Variants in DOCK4 observed in about 807,000 individuals in gnomAD.
The protein encoded by DOCK4 is dedicator of cytokinesis 4, also known as dedicator of cytokinesis protein 4.
Under a neutral mutation model 268.1 loss-of-function variants are expected in DOCK4, and 97 were observed. The ratio of observed to expected loss-of-function variants is 0.36; its 90% CI spans 0.31 to 0.43. DOCK4 has a LOEUF of 0.43. Ranked by LOEUF, DOCK4 falls within the 20% of genes least tolerant of loss-of-function variation. The probability of loss-of-function intolerance (pLI) is 1.00; values close to 1 mark genes in which losing one functional copy is unlikely to be tolerated. For synonymous variants in DOCK4, 954 were observed against 887.2 expected, an observed-to-expected ratio of 1.08 and a Z score of -1.34; for missense variants, 2,145 against 2,455.7, an observed-to-expected ratio of 0.87 and a Z score of 2.67.
At chr7:111,736,828 C>G (rs1336310006) in intron 50 of DOCK4, 89 bp downstream of exon 50, 2 of 1,205,496 alleles carry the variant, frequency 1.7e-6, no homozygotes, top group South Asian at 2.6e-5. Context: ...TAGAGCACTG[C>G]TTTCCACACA....
rs757186821 is a variant in DOCK4 at position 111,728,718 on chromosome 7, G to A, written c.5484C>T (p.Gly1828=). Reference sequence around the variant, plus strand: ...GAGAGGGGGTGAAAGACTGCACAGAGCCCTGCTCCGGGGAGAAGGAAACGA... The same window carrying A: ...GAGAGGGGGTGAAAGACTGCACAGAACCCTGCTCCGGGGAGAAGGAAACGA... ...PSPAGRSPLK[G]SVQSFTPSPV... is the part of the protein sequence containing the mutation. Residue 1828 remains glycine (G), a splice_region_variant and synonymous_variant, in exon 53 of 53, where the codon GGC becomes GGT. Coordinates refer to ENST00000428084, the MANE Select transcript of DOCK4 (RefSeq NM_001363540.2). 6 of 1,606,162 alleles carry A rather than the reference G, an allele frequency of 3.7e-6. No homozygotes were observed. Among genetic ancestry groups the A allele is most frequent in the Non-Finnish European group, 1.7e-6 (2 of 1,175,682 alleles).
intron 1 of DOCK4, among the ~76,000 whole-genome samples, chr7:112,127,871 A>C (rs1813385742): frequency 6.6e-6 from 1 of 152,148 alleles, no homozygotes; most frequent in South Asian, 2.1e-4. Context: ...TCTACTAAAA[A>C]TACAAAAATT....
At chr7:112,096,645 C>G (rs1810167627) in intron 1 of DOCK4, among the ~76,000 whole-genome samples, 1 of 152,170 alleles carries the variant, frequency 6.6e-6, no homozygotes, top group Non-Finnish European at 1.5e-5. Context: ...TTTCATCAGA[C>G]AAGAAGAATC....
chr7:111,789,263 T>C (rs929149652), intron 31 of DOCK4: 3 of 157,996 alleles, frequency 1.9e-5, no homozygotes, highest in African/African-American at 4.8e-5. Flanking sequence ...TCCATAGCAA[T>C]AGTCTAAGTC....
chr7:111,728,444 G>T lies in DOCK4; in HGVS notation c.5758C>A (p.Arg1920=). The change falls in exon 53 of 53, where the codon CGG becomes AGG. Residue 1920 remains arginine (R), a synonymous_variant. Coordinates refer to ENST00000428084, the MANE Select transcript of DOCK4 (RefSeq NM_001363540.2). ...CTGTGAGGTAGCGGGACGGGGCGCC[G>T]CAGAGTCCGCTCGTAGACGCTGTAC... The part of the protein sequence containing the change: ...PPYSVYERTL[R]RPVPLPHSLS... 6.2e-7 allele frequency: 1 copy of T among 1,600,126 alleles called. No homozygotes were observed. The highest frequency in any genetic ancestry group is 8.5e-7 in the Non-Finnish European group (1 of 1,172,394).
chr7:111,758,520 T>G (rs759685201), intron 41 of DOCK4, 104 bp downstream of exon 41: 8 of 1,299,930 alleles, frequency 6.2e-6, no homozygotes, highest in Non-Finnish European at 7.5e-6. Context: ...CCCTTCTGTT[T>G]CTGTCACTTG....
At position 111,920,070 on chromosome 7, in the gene DOCK4, CGTT is replaced by C. The variant is rs901382086; in HGVS notation, c.1067-4169_1067-4167del. Among the ~76,000 whole-genome samples, 18 of 152,124 alleles carry C rather than the reference CGTT, an allele frequency of 1.2e-4. No individual in the cohort carries two copies. In the South Asian group the frequency reaches 1.2e-3, roughly 11 times the overall value. On this transcript the variant is annotated intron_variant, in intron 12 of 52. Coordinates refer to ENST00000428084, the MANE Select transcript of DOCK4 (RefSeq NM_001363540.2). ...AATATTTACACATTCCTTCTAAAAA[CGTT>C]GAACTCATAGAAGCAGAGAGTGGAA...
At chr7:112,127,259 A>T (rs1269756243) in intron 1 of DOCK4, among the ~76,000 whole-genome samples, 2 of 152,012 alleles carry the variant, frequency 1.3e-5, no homozygotes, top group Non-Finnish European at 2.9e-5. Context: ...TGTCCTTTGT[A>T]GGGACATGGA....
chr7:111,739,192 A>G lies in DOCK4; in HGVS notation c.5174T>C (p.Leu1725Pro). The change falls in exon 49 of 53, where the codon CTG becomes CCG. Residue 1725 changes from leucine (L) to proline (P), a missense_variant. Leu to Pro is a moderately conservative substitution (Grantham distance 98, BLOSUM62 -3). Around this residue, in one of 2 missense-constraint regions of DOCK4, gnomAD observed 547 missense variants for 469.0 expected, o/e 1.17. Transcript: ENST00000428084. ...KHKHSRENSCLSPRERPCSAI... is the reference protein window; with the variant it reads ...KHKHSRENSCPSPRERPCSAI... ...ACTGCATGGTCTCTCTCTTGGTGAC[A>G]GGCAAGAGTTTTCTCGGGAATGTTT... 1.2e-6 allele frequency: 2 copies of G among 1,614,048 alleles called. No homozygotes were observed. Among genetic ancestry groups the G allele is most frequent in the Non-Finnish European group, 1.7e-6 (2 of 1,179,894 alleles).
At chr7:112,065,086 T>C (rs900280655) in intron 1 of DOCK4, among the ~76,000 whole-genome samples, 2 of 152,204 alleles carry the variant, frequency 1.3e-5, no homozygotes, top group African/African-American at 4.8e-5. Flanking sequence ...GGACATTCAC[T>C]GGACATGCAA....
intron 12 of DOCK4, among the ~76,000 whole-genome samples, chr7:111,918,281 T>A (rs1792787885): frequency 6.6e-6 from 1 of 152,196 alleles, no homozygotes; most frequent in African/African-American, 2.4e-5. Flanking sequence ...GAGAATTACA[T>A]TAAGTCTGGC....
At chr7:111,957,536 G>A (rs1796540293) in intron 8 of DOCK4, among the ~76,000 whole-genome samples, 1 of 152,124 alleles carries the variant, frequency 6.6e-6, no homozygotes, top group Non-Finnish European at 1.5e-5. Context: ...AACATCAGTA[G>A]ACTACAAGCT....
chr7:112,056,827 C>A (rs935295261), intron 1 of DOCK4, among the ~76,000 whole-genome samples: 12 of 152,084 alleles, frequency 7.9e-5, no homozygotes, highest in Admixed American at 7.9e-4. Flanking sequence ...AAGATCTAAT[C>A]GGATCTTAAA....
chr7:111,862,458 A>G (rs570567412), intron 23 of DOCK4, among the ~76,000 whole-genome samples: 1 of 150,448 alleles, frequency 6.6e-6, no homozygotes, highest in East Asian at 2.0e-4. Flanking sequence ...ATACATACAC[A>G]CACATTCATA....
At chr7:112,141,596 T>C (rs1369473206) in intron 1 of DOCK4, among the ~76,000 whole-genome samples, 1 of 152,234 alleles carries the variant, frequency 6.6e-6, no homozygotes, top group African/African-American at 2.4e-5. Flanking sequence ...ATAAATGATA[T>C]AATAGATACA....
chr7:112,142,299 A>T (rs996011086), intron 1 of DOCK4, among the ~76,000 whole-genome samples: 3 of 152,204 alleles, frequency 2.0e-5, no homozygotes, highest in Non-Finnish European at 2.9e-5. Context: ...TAGGATCATT[A>T]TTGAAGAGTT....
intron 1 of DOCK4, among the ~76,000 whole-genome samples, chr7:112,088,617 G>T (rs1354955858): frequency 2.0e-5 from 3 of 152,068 alleles, no homozygotes; most frequent in Non-Finnish European, 4.4e-5. Context: ...GCTTAAACAT[G>T]TGCTAAGTCA....
chr7:112,145,466 G>A (rs1321573931), intron 1 of DOCK4, among the ~76,000 whole-genome samples: 2 of 152,146 alleles, frequency 1.3e-5, no homozygotes, highest in Non-Finnish European at 2.9e-5. Context: ...AAAGGGCCGC[G>A]GGGCTCGCAG....
chr7:112,144,186 A>C (rs61599933), intron 1 of DOCK4, among the ~76,000 whole-genome samples: 44,247 of 152,080 alleles, frequency 0.29, 6,920 homozygotes, highest in East Asian at 0.48. Context: ...TATTACATAC[A>C]AGACACATGG....
Sources: gnomAD v4.1 joint callset for allele counts (sites outside exome capture counted in the v4.1 genomes callset) on GRCh38, gnomAD v4.1.1 for gene constraint, gnomAD v4.1.1 regional missense constraint, MANE v1.5 for transcripts, NCBI Gene and HGNC (gene_info 2026-07-23, HGNC 2026-07-21) for gene names.